PAM: variants seen among roughly 807,000 people sequenced by gnomAD.
PAM encodes the protein peptidyl-glycine alpha-amidating monooxygenase.
Under a neutral mutation model 122.1 loss-of-function variants are expected in PAM, and 72 were observed. That is an observed-to-expected ratio of 0.59 (90% CI 0.49 to 0.72). PAM has a LOEUF of 0.72. PAM is among the 30% of genes least tolerant of loss of function. PAM has a pLI of 0.00. For missense variants in PAM, 1,106 were observed against 1,183.7 expected, an observed-to-expected ratio of 0.93 and a Z score of 0.96; for synonymous variants, 389 against 404.4, an observed-to-expected ratio of 0.96 and a Z score of 0.46.
Position 103,006,713 on chromosome 5 carries a change from A to G in PAM, c.1804-88A>G, listed in dbSNP as rs1163406512. The stretch of plus-strand genomic sequence containing the variant: ...TAAGTCTCTGGGAGCTTCTACTCCA[A>G]TTGCTTGTGAAAGTGGTCTTAGTCA... On this transcript the variant is annotated intron_variant, in intron 18 of 25. Coordinates refer to ENST00000438793, the MANE Select transcript of PAM (RefSeq NM_001177306.2). 6 of 825,998 alleles carry G rather than the reference A, an allele frequency of 7.3e-6. No homozygotes were observed. The Admixed American group carries it at 1.3e-4, about 18-fold the overall frequency. The allele number at this position is 825,998 out of a possible 1,614,324, so 51.2% of individuals were successfully genotyped here.
chr5:102,882,055 ATAT>A, intron 3 of PAM, among the ~76,000 whole-genome samples: 1 of 2,060 alleles, frequency 4.9e-4, no homozygotes, highest in East Asian at 8.3e-3. Flanking sequence ...ATCGTGGAAT[ATAT>A]ATATATATAT....
At chr5:102,985,917 G>C (rs1156264172) in intron 15 of PAM, among the ~76,000 whole-genome samples, 1 of 152,102 alleles carries the variant, frequency 6.6e-6, no homozygotes, top group African/African-American at 2.4e-5. Flanking sequence ...ATTTATTGCT[G>C]GGATATGAGG....
At chr5:102,950,647 C>A (rs966202183) in intron 11 of PAM, 70 bp from the exon 12 acceptor site, 1 of 930,106 alleles carries the variant, frequency 1.1e-6, no homozygotes, top group Non-Finnish European at 1.8e-6. Context: ...CATACCTCAA[C>A]ACAGTCAAAC....
chr5:102,885,081 CTATATA>C (rs72500464), intron 3 of PAM, among the ~76,000 whole-genome samples: 2 of 133,542 alleles, frequency 1.5e-5, no homozygotes, highest in African/African-American at 7.0e-5. Context: ...TGTTTAATAA[CTATATA>C]TATATATAAC....
At chr5:102,792,923 A>G (rs1217722741) in intron 1 of PAM, among the ~76,000 whole-genome samples, 1 of 152,208 alleles carries the variant, frequency 6.6e-6, no homozygotes, top group East Asian at 1.9e-4. Flanking sequence ...ACGTAAGTTC[A>G]GAGTGCCTCC....
intron 7 of PAM, 51 bp downstream of exon 7, chr5:102,926,719 T>A: frequency 1.1e-6 from 1 of 897,910 alleles, no homozygotes; most frequent in South Asian, 1.4e-5. Context: ...CTATATTGTT[T>A]AAAATACATG....
intron 1 of PAM, among the ~76,000 whole-genome samples, chr5:102,855,066 TA>T (rs1294066808): frequency 7.9e-5 from 12 of 152,170 alleles, no homozygotes. Context: ...TAAAAGACAT[TA>T]AAATGTTTTT....
intron 4 of PAM, among the ~76,000 whole-genome samples, chr5:102,905,201 A>G (rs1799170925): frequency 6.6e-6 from 1 of 151,634 alleles, no homozygotes; most frequent in Non-Finnish European, 1.5e-5. Flanking sequence ...AAGGTGTTTT[A>G]CAGACACTCA....
chr5:102,809,352 C>CAAA lies in PAM; in HGVS notation c.-374+54021_-374+54023dup, dbSNP rs11302898. Among the ~76,000 whole-genome samples the CAAA allele has an allele frequency of 6.1e-3, 765 of 126,154 alleles. 4 individuals carry two copies. The highest frequency in any genetic ancestry group is 0.022 in the African/African-American group (734 of 33,300). The allele number at this position is 126,154 out of a possible 152,430, so 82.8% of individuals were successfully genotyped here. On this transcript the variant is annotated intron_variant, in intron 1 of 25. Coordinates refer to ENST00000438793, the MANE Select transcript of PAM (RefSeq NM_001177306.2). ...TAAAGCAAGCAAGACCTGTCTCTAC[C>CAAA]AAAAAAAAAAAAAAAAAAAGAAAAC...
At chr5:102,915,514 C>T (rs964651447) in intron 5 of PAM, among the ~76,000 whole-genome samples, 1 of 152,048 alleles carries the variant, frequency 6.6e-6, no homozygotes, top group Non-Finnish European at 1.5e-5. Context: ...TCAACATTCC[C>T]GTTTATACTC....
chr5:102,816,179 T>C (rs150876566), intron 1 of PAM, among the ~76,000 whole-genome samples: 3 of 152,306 alleles, frequency 2.0e-5, no homozygotes, highest in African/African-American at 7.2e-5. Context: ...TTTATGTTAT[T>C]GATGATCTGA....
intron 1 of PAM, among the ~76,000 whole-genome samples, chr5:102,761,598 T>C (rs903448554): frequency 1.3e-5 from 2 of 152,256 alleles, no homozygotes; most frequent in East Asian, 1.9e-4. Context: ...ATTTCACTTA[T>C]TTATGCCAAA....
chr5:102,913,004 T>G (rs1379409989), intron 4 of PAM, among the ~76,000 whole-genome samples: 1 of 152,008 alleles, frequency 6.6e-6, no homozygotes, highest in East Asian at 1.9e-4. Flanking sequence ...CACATACACA[T>G]TTTAGCAATA....
At chr5:102,816,196 AG>A (rs927007050) in intron 1 of PAM, among the ~76,000 whole-genome samples, 1 of 152,146 alleles carries the variant, frequency 6.6e-6, no homozygotes, top group African/African-American at 2.4e-5. Flanking sequence ...CTGAATCATG[AG>A]TTTAACTCTC....
rs76777855 is a variant in PAM at position 102,855,711 on chromosome 5, C to T, written c.-373-10112C>T. On this transcript the variant is annotated intron_variant, in intron 1 of 25. Transcript: ENST00000438793. Reference sequence around the variant, plus strand: ...ACTAGTATGCCTAAGGATGTGGAATCAAACAGGAAAAAAAGTCACAAACAT... The same window carrying T: ...ACTAGTATGCCTAAGGATGTGGAATTAAACAGGAAAAAAAGTCACAAACAT... Among the ~76,000 whole-genome samples the T allele has an allele frequency of 1.5e-4, 23 of 151,838 alleles. No homozygotes were observed. In the East Asian group the frequency reaches 2.3e-3, roughly 15 times the overall value.
intron 14 of PAM, among the ~76,000 whole-genome samples, chr5:102,970,008 A>G (rs761888720): frequency 1.3e-5 from 2 of 152,218 alleles, no homozygotes; most frequent in Non-Finnish European, 2.9e-5. Flanking sequence ...GAACAACATT[A>G]TAAGGAGAGA....
At chr5:102,814,270 T>C (rs1019164283) in intron 1 of PAM, among the ~76,000 whole-genome samples, 34 of 152,140 alleles carry the variant, frequency 2.2e-4, no homozygotes, top group African/African-American at 7.0e-4. Flanking sequence ...AGAGTCTCAG[T>C]AGAGAAAATG....
chr5:102,829,769 T>A (rs1161224246), intron 1 of PAM, among the ~76,000 whole-genome samples: 1 of 152,228 alleles, frequency 6.6e-6, no homozygotes, highest in Non-Finnish European at 1.5e-5. Flanking sequence ...CTCTGTATAT[T>A]ATCTTTAAAA....
chr5:102,959,406 G>A (rs1447898311), intron 12 of PAM, among the ~76,000 whole-genome samples: 4 of 152,030 alleles, frequency 2.6e-5, no homozygotes, highest in Non-Finnish European at 4.4e-5. Context: ...ATGTTAAGAG[G>A]AAAAGCCATT....
Sources: gnomAD v4.1 joint callset for allele counts (sites outside exome capture counted in the v4.1 genomes callset) on GRCh38, gnomAD v4.1.1 for gene constraint, MANE v1.5 for transcripts, NCBI Gene and HGNC (gene_info 2026-07-23, HGNC 2026-07-21) for gene names.